THOC2: variants seen among roughly 807,000 people sequenced by gnomAD.
THOC2 encodes the protein THO complex subunit 2, also known as THO complex 2.
In THOC2, 10 loss-of-function variants were observed where a neutral mutation model predicts 128.4. The ratio of observed to expected loss-of-function variants is 0.08; its 90% confidence interval spans 0.05 to 0.13. The LOEUF is 0.13. Ranked by LOEUF, THOC2 falls within the 10% of genes least tolerant of loss-of-function variation. The pLI, the probability that THOC2 is intolerant of heterozygous loss-of-function variation, is 1.00. For synonymous variants in THOC2, 393 were observed against 396.9 expected, an observed-to-expected ratio of 0.99 and a Z score of 0.12; for missense variants, 535 against 1,155.7, an observed-to-expected ratio of 0.46 and a Z score of 7.79.
chrX:123,625,393 C>T (rs1315309975), intron 25 of THOC2, among the ~76,000 whole-genome samples: 10 of 112,080 alleles, frequency 8.9e-5, no homozygotes, highest in African/African-American at 2.3e-4. Context: ...CCACCGCACC[C>T]GGCCACATTA....
Position 123,705,429 on chromosome X carries a change from T to C in THOC2, c.222+1429A>G, listed in dbSNP as rs184615736. On this transcript the variant is annotated intron_variant, in intron 3 of 38. Transcript: ENST00000245838. ...GGCTCTGAACTCTGGTTATGTCTAT[T>C]TAAATGCAAGTACTCAGGCCACTTG... is the stretch of plus-strand genomic sequence containing the variant. Among the ~76,000 whole-genome samples the C allele has an allele frequency of 2.2e-4, 25 of 111,694 alleles. No individual in the cohort carries two copies. The East Asian group carries it at 4.5e-3, about 20-fold the overall frequency.
chrX:123,694,068 CCT>C (rs759406460), intron 7 of THOC2, among the ~76,000 whole-genome samples: 1 of 109,834 alleles, frequency 9.1e-6, no homozygotes, highest in Non-Finnish European at 1.9e-5. Context: ...AAGAAAAATC[CCT>C]CTTTGAAATG....
intron 1 of THOC2, among the ~76,000 whole-genome samples, chrX:123,730,521 G>A (rs1323708676): frequency 8.9e-6 from 1 of 112,413 alleles, no homozygotes; most frequent in East Asian, 2.8e-4. Flanking sequence ...TAAGAACTAT[G>A]ACAGATAGCA....
Position 123,621,564 on chromosome X carries a change from T to C in THOC2, c.3809A>G (p.Asp1270Gly), listed in dbSNP as rs905259145. 1.7e-6 allele frequency: 2 copies of C among 1,145,122 alleles called. No homozygotes were observed. Among genetic ancestry groups the C allele is most frequent in the Admixed American group, 5.7e-5 (2 of 34,992 alleles). The allele number at this position is 1,145,122 out of a possible 1,213,427, so 94.4% of individuals were successfully genotyped here. Residue 1270 changes from aspartate (D) to glycine (G), a missense_variant, in exon 31 of 39, where the codon GAC becomes GGC. Around this residue, in one of 9 missense-constraint regions of THOC2, gnomAD observed 116 missense variants for 180.0 expected, o/e 0.64. Transcript: ENST00000245838. ...SNSNKAVKENDKEKGKEKEKE... is the reference protein window; with the variant it reads ...SNSNKAVKENGKEKGKEKEKE... Reference sequence around the variant, plus strand: ...TTCTTTCTCTTTCCCTTTTTCTTTGTCATTTTCTTTAACAGCTTTGTTGCT... The same window carrying C: ...TTCTTTCTCTTTCCCTTTTTCTTTGCCATTTTCTTTAACAGCTTTGTTGCT...
chrX:123,667,342 G>T, intron 10 of THOC2, 64 bp from the exon 11 acceptor site: 2 of 871,583 alleles, frequency 2.3e-6, no homozygotes, highest in Non-Finnish European at 1.6e-6. Flanking sequence ...TTAATACTTT[G>T]TCACTTAAAA....
intron 32 of THOC2, chrX:123,620,662 C>A: frequency 3.3e-6 from 1 of 304,711 alleles, no homozygotes; most frequent in East Asian, 4.9e-5. Context: ...GGTAAAATTT[C>A]TCTTGCACTT....
intron 15 of THOC2, among the ~76,000 whole-genome samples, chrX:123,642,081 G>A (rs112210878): frequency 6.6e-4 from 74 of 112,219 alleles, no homozygotes; most frequent in African/African-American, 2.2e-3. Context: ...CTAAGCATTA[G>A]AAATACAAGG....
At chrX:123,645,444 A>G (rs2048084626) in intron 12 of THOC2, 69 bp from the exon 13 acceptor site, 28 of 660,542 alleles carry the variant, frequency 4.2e-5, no homozygotes, top group Non-Finnish European at 5.9e-5. Flanking sequence ...ATTAATTTCT[A>G]ATTTGAAAAA....
chrX:123,715,658 G>T (rs1307814158), intron 1 of THOC2, among the ~76,000 whole-genome samples: 1 of 107,623 alleles, frequency 9.3e-6, no homozygotes. Flanking sequence ...GGTGGCCCAC[G>T]CCTGTAGTCC....
chrX:123,669,995 T>C (rs748858493), intron 9 of THOC2, among the ~76,000 whole-genome samples: 2 of 112,482 alleles, frequency 1.8e-5, no homozygotes, highest in South Asian at 3.7e-4. Context: ...TACTGCTAAA[T>C]GCAATCATAA....
chrX:123,730,292 C>T (rs1247676579), intron 1 of THOC2, among the ~76,000 whole-genome samples: 1 of 111,266 alleles, frequency 9.0e-6, no homozygotes, highest in Non-Finnish European at 1.9e-5. Context: ...GATTCTCCCG[C>T]CTCAGCCTCC....
At chrX:123,624,762 AC>A in intron 25 of THOC2, 93 bp from the exon 26 acceptor site, 1 of 864,035 alleles carries the variant, frequency 1.2e-6, no homozygotes, top group Admixed American at 2.5e-5. Context: ...GTCATAATAA[AC>A]AGGTAAGCCT....
intron 15 of THOC2, among the ~76,000 whole-genome samples, chrX:123,643,140 C>A (rs1445189313): frequency 9.0e-6 from 1 of 111,034 alleles, no homozygotes; most frequent in Non-Finnish European, 1.9e-5. Context: ...AAAACCTGTA[C>A]AAACAGAGGG....
chrX:123,644,190 T>A (rs1361727652), intron 15 of THOC2, among the ~76,000 whole-genome samples: 1 of 112,451 alleles, frequency 8.9e-6, no homozygotes, highest in Admixed American at 9.4e-5. Flanking sequence ...ATTAAAAAAA[T>A]TCATTATGGT....
chrX:123,642,604 C>T (rs1377529437), intron 15 of THOC2, among the ~76,000 whole-genome samples: 1 of 109,371 alleles, frequency 9.1e-6, no homozygotes, highest in Non-Finnish European at 1.9e-5. Flanking sequence ...TAAAAGGTGG[C>T]TGGGGTGTGG....
chrX:123,655,000 T>C (rs1381847692), intron 12 of THOC2, among the ~76,000 whole-genome samples: 1 of 110,381 alleles, frequency 9.1e-6, no homozygotes, highest in Non-Finnish European at 1.9e-5. Context: ...ACTAGATAAT[T>C]TTTTATTACT....
chrX:123,638,721 C>T (rs1189288526), intron 17 of THOC2, among the ~76,000 whole-genome samples: 2 of 102,848 alleles, frequency 1.9e-5, no homozygotes, highest in Admixed American at 2.1e-4. Context: ...CACAAAGACA[C>T]ACACGTACAC....
At chrX:123,652,903 T>TTA (rs2048417539) in intron 12 of THOC2, among the ~76,000 whole-genome samples, 1 of 111,472 alleles carries the variant, frequency 9.0e-6, no homozygotes, top group Non-Finnish European at 1.9e-5. Context: ...GTGACTTTTT[T>TTA]CAGAGTTAGA....
At chrX:123,609,628 C>T (rs193198793) in intron 38 of THOC2, among the ~76,000 whole-genome samples, 1 of 111,810 alleles carries the variant, frequency 8.9e-6, no homozygotes, top group East Asian at 2.8e-4. Context: ...GAGGTATAGA[C>T]AAGCAAGGAT....
Sources: gnomAD v4.1 joint callset for allele counts (sites outside exome capture counted in the v4.1 genomes callset) on GRCh38, gnomAD v4.1.1 for gene constraint, gnomAD v4.1.1 regional missense constraint, MANE v1.5 for transcripts, NCBI Gene and HGNC (gene_info 2026-07-23, HGNC 2026-07-21) for gene names.